The following CELSR1 variants were observed in gnomAD, a reference collection of about 807,000 sequenced individuals.
CELSR1 encodes cadherin EGF LAG seven-pass G-type receptor 1.
In CELSR1, 110 loss-of-function variants were observed where a neutral mutation model predicts 249.1. That is an observed-to-expected ratio of 0.44 (90% CI 0.38 to 0.52). The LOEUF is 0.52. CELSR1 is among the 20% of genes least tolerant of loss of function. The pLI, the probability that CELSR1 is intolerant of heterozygous loss-of-function variation, is 0.00. For synonymous variants in CELSR1, 2,113 were observed against 1,900.0 expected (o/e 1.11, Z -2.92); for missense variants, 4,109 against 4,296.4 (o/e 0.96, Z 1.22).
chr22:46,391,537 C>A lies in CELSR1; in HGVS notation c.6148+96G>T. The A allele has an allele frequency of 7.4e-7, 1 of 1,358,126 alleles. No homozygotes were observed. The highest frequency in any genetic ancestry group is 9.8e-7 in the Non-Finnish European group (1 of 1,023,780). The allele number at this position is 1,358,126 out of a possible 1,614,324, so 84.1% of individuals were successfully genotyped here. A position where few individuals can be genotyped will look rare whatever the true frequency, so the allele number is the denominator to read the frequency against. On this transcript the variant is annotated intron_variant, in intron 15 of 34. Transcript: ENST00000674500. The surrounding 1 kb of genome is among the most constrained non-coding windows in gnomAD (Gnocchi z 4.3). ...CTCAGAACACGAGGGAGCCCAGGGT[C>A]CCCCAAACACCCAGCGTGCATGCAC...
rs981643195 is a variant in CELSR1, at chr22:46,362,642, C to G, written c.*581G>C. Reference sequence around the variant, plus strand: ...TCATTGCATGGATCTCTCGGGATAACAAAGTCAGCACGAATGCAATATATA... The same window carrying G: ...TCATTGCATGGATCTCTCGGGATAAGAAAGTCAGCACGAATGCAATATATA... On this transcript the variant is annotated 3_prime_UTR_variant, in exon 35 of 35. Transcript: ENST00000674500. 13 of 153,914 alleles carry G rather than the reference C, an allele frequency of 8.4e-5. 1 individual carries two copies. The highest frequency in any genetic ancestry group is 2.9e-4 in the African/African-American group (12 of 41,502). 9.5% of individuals were successfully genotyped at this position (153,914 alleles called of 1,614,324 possible). A position where few individuals can be genotyped will look rare whatever the true frequency, so the allele number is the denominator to read the frequency against.
intron 1 of CELSR1, among the ~76,000 whole-genome samples, chr22:46,524,450 G>C (rs1364355612): frequency 6.6e-6 from 1 of 152,140 alleles, no homozygotes; most frequent in Non-Finnish European, 1.5e-5. Context: ...CATGACAACT[G>C]GAAGGGGCGA....
rs538937170 is a variant in CELSR1 at position 46,430,448 on chromosome 22, C to T, written c.4611+2945G>A. Reference sequence around the variant, plus strand: ...GGACGCGTGTGCAGGGGGGTTCCCTCGGCAGTGTCACCCACCACCCTCAAG... The same window carrying T: ...GGACGCGTGTGCAGGGGGGTTCCCTTGGCAGTGTCACCCACCACCCTCAAG... On this transcript the variant is annotated intron_variant, in intron 5 of 34. Transcript: ENST00000674500. The surrounding 1 kb of genome is among the most constrained non-coding windows in gnomAD (Gnocchi z 4.6). Among the ~76,000 whole-genome samples, 1 of 152,056 alleles carries T rather than the reference C, an allele frequency of 6.6e-6. No homozygotes were observed. Among genetic ancestry groups the T allele is most frequent in the East Asian group, 1.9e-4 (1 of 5,184 alleles).
rs1555916826 is a variant in CELSR1, at chr22:46,436,737, C to CA, written c.4407-449_4407-448insT. Reference sequence around the variant, plus strand: ...GGACCATTCTTATGGCCTCTCCCCCCGGCACTCAGCCACAATAGCATCTTT... The same window carrying CA: ...GGACCATTCTTATGGCCTCTCCCCCCAGGCACTCAGCCACAATAGCATCTTT... On this transcript the variant is annotated intron_variant, in intron 3 of 34. Transcript: ENST00000674500. The surrounding 1 kb of genome is among the most constrained non-coding windows in gnomAD (Gnocchi z 5.9). Among the ~76,000 whole-genome samples, 13 of 152,082 alleles carry CA rather than the reference C, an allele frequency of 8.5e-5. No homozygotes were observed. Among genetic ancestry groups the CA allele is most frequent in the African/African-American group, 2.2e-4 (9 of 41,462 alleles).
At chr22:46,449,125 CCACCCAGCTTCCATCCACT>C (rs138640159) in intron 2 of CELSR1, among the ~76,000 whole-genome samples, 2,052 of 151,488 alleles carry the variant, frequency 0.014, 44 homozygotes, top group African/African-American at 0.047. Flanking sequence ...ATCCACCCAC[CCACCCAGCTTCCATCCACT>C]CACCCAGCTT....
At chr22:46,507,647 C>T (rs746249405) in intron 1 of CELSR1, among the ~76,000 whole-genome samples, 19 of 152,280 alleles carry the variant, frequency 1.2e-4, no homozygotes, top group Admixed American at 9.8e-4. Context: ...CCTCCTGCCT[C>T]GCCCGCAGTC....
Position 46,365,261 on chromosome 22 carries a change from C to T in CELSR1, c.8524G>A (p.Ala2842Thr). 1.2e-6 allele frequency: 2 copies of T among 1,612,494 alleles called. No individual in the cohort carries two copies. The highest frequency in any genetic ancestry group is 1.7e-6 in the Non-Finnish European group (2 of 1,179,918). ...GGGGTGCTGTGGACGGCGCCCCTGG[C>T]CGGGTCCCATTTTTCCTCAGCTCCC... Reference protein sequence around the residue: ...GVGAEEKWDPARGAVHSTPKG... With the variant: ...GVGAEEKWDPTRGAVHSTPKG... The change falls in exon 32 of 35, where the codon GCC (alanine) becomes ACC (threonine). Residue 2842 changes from alanine (A) to threonine (T), a missense_variant. Ala to Thr is a moderately conservative substitution (Grantham distance 58). This residue lies in a region of CELSR1 where 1,805 missense variants were observed against 1,831.6 expected (regional missense o/e 0.99). Transcript: ENST00000674500.
rs1458085323 is a variant in CELSR1 at position 46,373,255 on chromosome 22, C to G, written c.7585-198G>C. On this transcript the variant is annotated intron_variant, in intron 24 of 34. Transcript: ENST00000674500. The stretch of plus-strand genomic sequence containing the variant: ...ATCAACATCCACGGAGCAGCTGAGC[C>G]AGCAGGTGAGCCAGCCCTGCCTGCC... 3.9e-5 allele frequency among the ~76,000 whole-genome samples: 6 copies of G among 152,288 alleles called. 1 individual carries two copies. The East Asian group carries it at 9.7e-4, about 25-fold the overall frequency.
At chr22:46,394,331 G>A in intron 13 of CELSR1, 69 bp from the exon 14 acceptor site, 1 of 1,538,240 alleles carries the variant, frequency 6.5e-7, no homozygotes, top group South Asian at 1.2e-5. Context: ...GAAGAGGCCT[G>A]CAGGCAGCAT....
intron 28 of CELSR1, 140 bp downstream of exon 28, chr22:46,367,589 C>T (rs2078800041): frequency 8.3e-7 from 1 of 1,204,686 alleles, no homozygotes; most frequent in Non-Finnish European, 1.2e-6. Context: ...GGGACTGAGT[C>T]CTCACAGCCA....
At chr22:46,394,362 C>A in intron 13 of CELSR1, 100 bp from the exon 14 acceptor site, 1 of 1,421,260 alleles carries the variant, frequency 7.0e-7, no homozygotes, top group Non-Finnish European at 9.5e-7. Flanking sequence ...GCCCAGGAGG[C>A]CTGGCTGGGT....
chr22:46,423,710 C>T lies in CELSR1; in HGVS notation c.4611+9683G>A, dbSNP rs374262724. ...AGTATGGGCCGGGTGCGGTGGCTCA[C>T]GCCTATAATCCAGCACTTTGGGAGG... On this transcript the variant is annotated intron_variant, in intron 5 of 34. Coordinates refer to ENST00000674500, the MANE Select transcript of CELSR1 (RefSeq NM_001378328.1). The surrounding 1 kb of genome is among the most constrained non-coding windows in gnomAD (Gnocchi z 5.6). Among the ~76,000 whole-genome samples the T allele has an allele frequency of 5.3e-5, 8 of 151,774 alleles. No individual in the cohort carries two copies. In the East Asian group the frequency reaches 7.8e-4, roughly 15 times the overall value.
rs536856990 is a variant in CELSR1, at chr22:46,440,549, C to T, written c.4184-1138G>A. 9.2e-5 allele frequency among the ~76,000 whole-genome samples: 14 copies of T among 152,280 alleles called. No individual in the cohort carries two copies. Among genetic ancestry groups the T allele is most frequent in the South Asian group, 4.1e-4 (2 of 4,822 alleles). ...TGCATCTCTGACAAATGGATCTCAA[C>T]GATCTTTTCATTTGCATTTATCTTT... On this transcript the variant is annotated intron_variant, in intron 2 of 34. Coordinates refer to ENST00000674500, the MANE Select transcript of CELSR1 (RefSeq NM_001378328.1). The surrounding 1 kb of genome is among the most constrained non-coding windows in gnomAD (Gnocchi z 4.7).
intron 1 of CELSR1, among the ~76,000 whole-genome samples, chr22:46,508,399 G>A (rs1443271122): frequency 6.6e-6 from 1 of 151,566 alleles, no homozygotes; most frequent in Non-Finnish European, 1.5e-5. Context: ...CCCCCTGACC[G>A]TCCCCTGCGT....
Position 46,534,120 on chromosome 22 carries a change from C to T in CELSR1, c.3051G>A (p.Val1017=), listed in dbSNP as rs769256833. ...FVEENNPVGS[V]VAKIRANDPD... The stretch of plus-strand genomic sequence containing the variant: ...GGTCGTTAGCACGAATCTTTGCCAC[C>T]ACCGACCCCACTGGGTTGTTCTCCT... The change falls in exon 1 of 35, where the codon GTG becomes GTA. Residue 1017 remains valine, a synonymous_variant. Coordinates refer to ENST00000674500, the MANE Select transcript of CELSR1 (RefSeq NM_001378328.1). The surrounding 1 kb of genome is among the most constrained non-coding windows in gnomAD (Gnocchi z 9.7). 4 of 1,613,784 alleles carry T rather than the reference C, an allele frequency of 2.5e-6. No individual in the cohort carries two copies. The highest frequency in any genetic ancestry group is 2.2e-5 in the South Asian group (2 of 91,088).
rs905631828 is a variant in CELSR1, at chr22:46,436,911, C to T, written c.4407-622G>A. 6.6e-6 allele frequency among the ~76,000 whole-genome samples: 1 copy of T among 152,154 alleles called. No individual in the cohort carries two copies. The highest frequency in any genetic ancestry group is 2.4e-5 in the African/African-American group (1 of 41,430). ...TCATTGTACTCTACCTTGCCCTTAC[C>T]TCCCATCAGCCTATGACATCACTCA... On this transcript the variant is annotated intron_variant, in intron 3 of 34. Coordinates refer to ENST00000674500, the MANE Select transcript of CELSR1 (RefSeq NM_001378328.1). The surrounding 1 kb of genome is among the most constrained non-coding windows in gnomAD (Gnocchi z 5.9).
chr22:46,467,481 G>A (rs5768794), intron 1 of CELSR1, among the ~76,000 whole-genome samples: 62,194 of 151,392 alleles, frequency 0.41, 13,092 homozygotes, highest in South Asian at 0.53. Context: ...TTTGTGAGGG[G>A]GCTGCTTTAC....
chr22:46,488,849 CG>C lies in CELSR1; in HGVS notation c.3545-24505del, dbSNP rs2080341308. ...TAATTTTTTGTATTTTTAGTAGAGA[CG>C]GGGTTTCACCGTGTTAGCCAGGATG... On this transcript the variant is annotated intron_variant, in intron 1 of 34. Coordinates refer to ENST00000674500, the MANE Select transcript of CELSR1 (RefSeq NM_001378328.1). The surrounding 1 kb of genome is among the most constrained non-coding windows in gnomAD (Gnocchi z 4.7). 2.0e-5 allele frequency among the ~76,000 whole-genome samples: 3 copies of C among 152,176 alleles called. No homozygotes were observed. Among genetic ancestry groups the C allele is most frequent in the Middle Eastern group, 3.4e-3 (1 of 292 alleles).
In CELSR1 at chr22:46,506,030, TTAGCAGGGCATGG is replaced by T. The variant is rs2080511055; in HGVS notation, c.3544+27584_3544+27596del. ...CCTGTCTCTACTAAAAATACAAAAA[TTAGCAGGGCATGG>T]TGGCAGGCACCTGTAATCCCAGCTA... On this transcript the variant is annotated intron_variant, in intron 1 of 34. Transcript: ENST00000674500. The surrounding 1 kb of genome is among the most constrained non-coding windows in gnomAD (Gnocchi z 4.1). Among the ~76,000 whole-genome samples the T allele has an allele frequency of 6.6e-6, 1 of 151,532 alleles. No homozygotes were observed. Among genetic ancestry groups the T allele is most frequent in the East Asian group, 1.9e-4 (1 of 5,142 alleles).
Sources: gnomAD v4.1 joint callset for allele counts (sites outside exome capture counted in the v4.1 genomes callset) on GRCh38, gnomAD v4.1.1 for gene constraint, gnomAD v4.1.1 regional missense constraint, Gnocchi (gnomAD v3.1) non-coding constraint, MANE v1.5 for transcripts, NCBI Gene and HGNC (gene_info 2026-07-23, HGNC 2026-07-21) for gene names.